Variants in PLXNA4 observed in about 807,000 individuals in gnomAD.
PLXNA4 encodes the protein plexin A4.
PLXNA4 carries 44 observed loss-of-function variants against 191.8 expected under a neutral mutation model. That is an observed-to-expected ratio of 0.23 (90% CI 0.18 to 0.29). PLXNA4 has a LOEUF of 0.29. Among genes scored for constraint, PLXNA4 ranks in the 10% least tolerant of loss-of-function variants. The pLI is 1.00. For synonymous variants in PLXNA4, 1,082 were observed against 1,009.5 expected, an observed-to-expected ratio of 1.07 and a Z score of -1.36; for missense variants, 1,800 against 2,488.8, an observed-to-expected ratio of 0.72 and a Z score of 5.89.
intron 1 of PLXNA4, among the ~76,000 whole-genome samples, chr7:132,556,304 C>A (rs909933311): frequency 1.3e-5 from 2 of 152,306 alleles, no homozygotes; most frequent in African/African-American, 4.8e-5. Flanking sequence ...GTTGAGGTGA[C>A]CCGCTATATC....
At chr7:132,443,281 C>A (rs1301143152) in intron 3 of PLXNA4, among the ~76,000 whole-genome samples, 3 of 152,194 alleles carry the variant, frequency 2.0e-5, no homozygotes, top group African/African-American at 4.8e-5. Context: ...CCTTGTTGCA[C>A]CCCGTCCTCT....
At chr7:132,576,642 G>C, upstream of PLXNA4, 1 of 979,422 alleles carries the variant, frequency 1.0e-6, no homozygotes, top group Non-Finnish European at 1.2e-6. The surrounding 1 kb of genome is among the most constrained non-coding windows in gnomAD (Gnocchi z 5.8). Context: ...TGCGGGGCTT[G>C]ACAGCTTCTC....
At chr7:132,432,746 A>T (rs1795313749) in intron 3 of PLXNA4, among the ~76,000 whole-genome samples, 1 of 152,192 alleles carries the variant, frequency 6.6e-6, no homozygotes, top group Admixed American at 6.5e-5. Context: ...AGTGAAAAAA[A>T]TCTCATCTAA....
At chr7:132,301,851 T>C (rs1381567837) in intron 3 of PLXNA4, among the ~76,000 whole-genome samples, 2 of 152,244 alleles carry the variant, frequency 1.3e-5, no homozygotes, top group African/African-American at 2.4e-5. Flanking sequence ...TCTCAGCTGA[T>C]GGTTGTAAAA....
Position 132,126,035 on chromosome 7 carries a change from TG to T in PLXNA4, c.*4443del, listed in dbSNP as rs1381019460. 6.6e-6 allele frequency: 1 copy of T among 152,294 alleles called. No homozygotes were observed. Among genetic ancestry groups the T allele is most frequent in the East Asian group, 1.9e-4 (1 of 5,184 alleles). The allele number at this position is 152,294 out of a possible 1,614,324, so 9.4% of individuals were successfully genotyped here. ...GTTTGTCCTTGACTGATAACAATAC[TG>T]GCCCTTTGCTCGGTTAAGTATTTGA... On this transcript the variant is annotated 3_prime_UTR_variant, in exon 32 of 32. Transcript: ENST00000321063.
intron 3 of PLXNA4, among the ~76,000 whole-genome samples, chr7:132,355,151 T>C (rs904778260): frequency 1.3e-5 from 2 of 152,136 alleles, no homozygotes; most frequent in Non-Finnish European, 2.9e-5. Context: ...CAGCAGGTAA[T>C]GCACTGGTAA....
intron 25 of PLXNA4, among the ~76,000 whole-genome samples, 184 bp from the exon 26 acceptor site, chr7:132,148,830 C>G (rs1341935244): frequency 2.0e-5 from 3 of 152,182 alleles, no homozygotes; most frequent in Non-Finnish European, 4.4e-5. Context: ...AGTTCCAGTT[C>G]TGGTTCTAAG....
chr7:132,372,815 C>T (rs1804499874), intron 3 of PLXNA4, among the ~76,000 whole-genome samples: 1 of 152,190 alleles, frequency 6.6e-6, no homozygotes, highest in African/African-American at 2.4e-5. Context: ...CATCTGGAAG[C>T]CTCAACTTTC....
At chr7:132,474,282 G>A (rs1797043608) in intron 3 of PLXNA4, among the ~76,000 whole-genome samples, 1 of 150,478 alleles carries the variant, frequency 6.6e-6, no homozygotes. Context: ...TGCAGCACTA[G>A]GGCGTTTGGG....
At chr7:132,207,162 A>C (rs929733581) in intron 10 of PLXNA4, among the ~76,000 whole-genome samples, 7 of 152,210 alleles carry the variant, frequency 4.6e-5, no homozygotes, top group African/African-American at 1.7e-4. Flanking sequence ...TGGTATGTAC[A>C]CTGTGTCCAT....
intron 3 of PLXNA4, among the ~76,000 whole-genome samples, chr7:132,367,252 G>GGGC (rs1804223774): frequency 6.6e-6 from 1 of 152,220 alleles, no homozygotes; most frequent in East Asian, 1.9e-4. Context: ...GGGCTGGGCT[G>GGGC]TGGTGGCCAC....
At position 132,226,213 on chromosome 7, in the gene PLXNA4, T is replaced by C. The variant is rs776766283; in HGVS notation, c.1930A>G (p.Met644Val). 6.2e-6 allele frequency: 10 copies of C among 1,613,972 alleles called. No individual in the cohort carries two copies. Among genetic ancestry groups the C allele is most frequent in the Non-Finnish European group, 7.6e-6 (9 of 1,179,982 alleles). ...QLQLKSKETG[M>V]TFASTSFVFY... ...ACAAAGCTGGTGCTGGCGAAGGTCATGCCGGTCTCCTTTGATTTGAGCTGA... is the reference window on the plus strand; with the variant it reads ...ACAAAGCTGGTGCTGGCGAAGGTCACGCCGGTCTCCTTTGATTTGAGCTGA... Residue 644 changes from methionine (M) to valine (V), a missense_variant, in exon 8 of 32, where the codon ATG becomes GTG. By Grantham distance (21) the Met-to-Val change is conservative. This residue lies in a region of PLXNA4 where 1,397 missense variants were observed against 1,880.4 expected (regional missense o/e 0.74). Transcript: ENST00000321063.
At chr7:132,255,518 T>C (rs1186317103) in intron 4 of PLXNA4, among the ~76,000 whole-genome samples, 1 of 152,208 alleles carries the variant, frequency 6.6e-6, no homozygotes, top group African/African-American at 2.4e-5. Flanking sequence ...AAAGTTCAAT[T>C]TTAAAATTCA....
chr7:132,454,147 A>G (rs156940), intron 3 of PLXNA4, among the ~76,000 whole-genome samples: 20,638 of 152,192 alleles, frequency 0.14, 2,081 homozygotes, highest in East Asian at 0.3. Flanking sequence ...GGAAGCAAGT[A>G]AGCTTTGAGC....
At chr7:132,613,900 C>T (rs1414407856) in intron 2 of PLXNA4, among the ~76,000 whole-genome samples, 3 of 152,178 alleles carry the variant, frequency 2.0e-5, no homozygotes, top group Non-Finnish European at 2.9e-5. Flanking sequence ...GGGCAGGTTA[C>T]TTCTGCCTGT....
rs903533770 is a variant in PLXNA4 at position 132,228,182 on chromosome 7, C to T, written c.1728+164G>A. Among the ~76,000 whole-genome samples the T allele has an allele frequency of 1.8e-4, 28 of 152,262 alleles. No homozygotes were observed. In the South Asian group the frequency reaches 2.9e-3, roughly 16 times the overall value. ...TCCCTGTCTCCTTCTTGCATCCCCC[C>T]GTAGACACTTAATTCTTTGATATCC... On this transcript the variant is annotated intron_variant, in intron 6 of 31. Transcript: ENST00000321063.
chr7:132,165,100 G>C (rs1796083847), intron 23 of PLXNA4, 34 bp downstream of exon 23: 1 of 1,606,216 alleles, frequency 6.2e-7, no homozygotes, highest in Admixed American at 1.7e-5. Context: ...AATGAACGAG[G>C]CAAGGCCAGA....
At chr7:132,440,210 G>T (rs1194528334) in intron 3 of PLXNA4, among the ~76,000 whole-genome samples, 2 of 152,174 alleles carry the variant, frequency 1.3e-5, no homozygotes, top group Non-Finnish European at 2.9e-5. Flanking sequence ...CCCCTGCCTT[G>T]CACAGACATA....
intron 20 of PLXNA4, 93 bp from the exon 21 acceptor site, chr7:132,175,013 T>C: frequency 1.3e-6 from 2 of 1,546,932 alleles, no homozygotes; most frequent in Non-Finnish European, 1.8e-6. Context: ...CCCAAGCCCC[T>C]AGGAGACATG....
Sources: gnomAD v4.1 joint callset for allele counts (sites outside exome capture counted in the v4.1 genomes callset) on GRCh38, gnomAD v4.1.1 for gene constraint, gnomAD v4.1.1 regional missense constraint, Gnocchi (gnomAD v3.1) non-coding constraint, MANE v1.5 for transcripts, NCBI Gene and HGNC (gene_info 2026-07-23, HGNC 2026-07-21) for gene names.